CAMTA1: variants seen among roughly 807,000 people sequenced by gnomAD.
CAMTA1 encodes calmodulin binding transcription activator 1.
A neutral mutation model predicts 170.9 loss-of-function variants in CAMTA1; 27 were observed. The ratio of observed to expected loss-of-function variants is 0.16; its 90% CI spans 0.12 to 0.22. The LOEUF (loss-of-function observed/expected upper bound fraction) is 0.22. Ranked by LOEUF, CAMTA1 falls within the 10% of genes least tolerant of loss-of-function variation. CAMTA1 has a pLI of 1.00. For missense variants in CAMTA1, 1,619 were observed against 2,217.2 expected (o/e 0.73, Z 5.42); for synonymous variants, 833 against 891.5 (o/e 0.93, Z 1.17).
At chr1:7,005,845 C>T (rs1698928786) in intron 3 of CAMTA1, among the ~76,000 whole-genome samples, 1 of 152,202 alleles carries the variant, frequency 6.6e-6, no homozygotes, top group African/African-American at 2.4e-5. Context: ...ATGGATGCGG[C>T]ACTGAAACAC....
intron 6 of CAMTA1, among the ~76,000 whole-genome samples, chr1:7,533,211 G>A (rs751653156): frequency 2.0e-5 from 3 of 152,168 alleles, no homozygotes; most frequent in Admixed American, 6.5e-5. Context: ...GATGGGTCCC[G>A]AGCCTCCCTC....
intron 3 of CAMTA1, among the ~76,000 whole-genome samples, chr1:6,892,239 C>T (rs968714174): frequency 2.0e-5 from 3 of 152,170 alleles, no homozygotes; most frequent in African/African-American, 7.2e-5. Flanking sequence ...CCAAACTTCG[C>T]CATACTGTGC....
chr1:7,098,689 C>G (rs1235288118), intron 4 of CAMTA1, among the ~76,000 whole-genome samples: 1 of 152,178 alleles, frequency 6.6e-6, no homozygotes, highest in Non-Finnish European at 1.5e-5. Context: ...CAGGGGCAAC[C>G]CACGGAGGCC....
At chr1:7,142,715 CA>C (rs1645959088) in intron 4 of CAMTA1, among the ~76,000 whole-genome samples, 1 of 152,214 alleles carries the variant, frequency 6.6e-6, no homozygotes, top group African/African-American at 2.4e-5. Context: ...CTCCCTTTAG[CA>C]TTCATCATGA....
At chr1:7,255,689 T>A (rs1353480373) in intron 5 of CAMTA1, among the ~76,000 whole-genome samples, 30 of 152,340 alleles carry the variant, frequency 2.0e-4, no homozygotes. Flanking sequence ...ATCCTGTATC[T>A]GGTATCCAAA....
rs1464701514 is a variant in CAMTA1 at position 6,965,436 on chromosome 1, A to G, written c.235-125868A>G. Among the ~76,000 whole-genome samples the G allele has an allele frequency of 6.6e-6, 1 of 152,152 alleles. No homozygotes were observed. Among genetic ancestry groups the G allele is most frequent in the Non-Finnish European group, 1.5e-5 (1 of 68,034 alleles). On this transcript the variant is annotated intron_variant, in intron 3 of 22. Transcript: ENST00000303635. This position sits in a 1 kb window ranked among gnomAD's most constrained non-coding sequence, Gnocchi z 4.1. ...GACCAGGGAGTGCAACCAGCAGACCAAAGGTAATGCATTTCAGCTGCCTGT... is the reference window on the plus strand; with the variant it reads ...GACCAGGGAGTGCAACCAGCAGACCGAAGGTAATGCATTTCAGCTGCCTGT...
intron 3 of CAMTA1, among the ~76,000 whole-genome samples, chr1:6,981,294 A>G (rs1280154606): frequency 6.6e-6 from 1 of 152,218 alleles, no homozygotes; most frequent in African/African-American, 2.4e-5. Context: ...TGCTCCTTGA[A>G]GAAAAGCTGA....
intron 11 of CAMTA1, among the ~76,000 whole-genome samples, chr1:7,722,759 C>T (rs538999693): frequency 2.9e-4 from 44 of 151,738 alleles, no homozygotes; most frequent in Admixed American, 7.9e-4. Context: ...AGGTAACACA[C>T]ACAGTTACTT....
intron 6 of CAMTA1, among the ~76,000 whole-genome samples, chr1:7,558,488 G>C (rs569234961): frequency 8.6e-5 from 13 of 152,028 alleles, no homozygotes; most frequent in African/African-American, 2.7e-4. Context: ...GGAGGAACTC[G>C]GCTCCCTTCT....
intron 3 of CAMTA1, among the ~76,000 whole-genome samples, chr1:6,958,628 C>G (rs1488511436): frequency 6.6e-6 from 1 of 152,200 alleles, no homozygotes; most frequent in Admixed American, 6.5e-5. Context: ...TTGAATGTGA[C>G]GCAATAAGCC....
intron 11 of CAMTA1, among the ~76,000 whole-genome samples, chr1:7,690,791 C>T (rs921309517): frequency 2.0e-5 from 3 of 152,222 alleles, no homozygotes; most frequent in Non-Finnish European, 2.9e-5. Context: ...GTGGGTGGCG[C>T]AGAGAGTCAC....
At chr1:7,340,947 G>A (rs1386534964) in intron 5 of CAMTA1, among the ~76,000 whole-genome samples, 2 of 152,180 alleles carry the variant, frequency 1.3e-5, no homozygotes, top group African/African-American at 4.8e-5. Flanking sequence ...TAAAAATATG[G>A]TATTCATAAG....
At chr1:7,034,070 T>C (rs1703198346) in intron 3 of CAMTA1, among the ~76,000 whole-genome samples, 2 of 152,232 alleles carry the variant, frequency 1.3e-5, no homozygotes, top group African/African-American at 4.8e-5. Context: ...TACTCTCCCC[T>C]ATGCCCCATA....
chr1:7,351,195 T>A (rs1316588635), intron 5 of CAMTA1, among the ~76,000 whole-genome samples: 1 of 152,256 alleles, frequency 6.6e-6, no homozygotes, highest in African/African-American at 2.4e-5. Context: ...AGAGCATCCA[T>A]GGCCTCACGC....
intron 3 of CAMTA1, among the ~76,000 whole-genome samples, chr1:7,006,434 C>G (rs1397092770): frequency 6.6e-6 from 1 of 152,114 alleles, no homozygotes; most frequent in Non-Finnish European, 1.5e-5. Flanking sequence ...CAGATTTATT[C>G]CATTCATTGT....
intron 4 of CAMTA1, among the ~76,000 whole-genome samples, chr1:7,121,021 A>T (rs1392113620): frequency 6.6e-6 from 1 of 152,246 alleles, no homozygotes; most frequent in Non-Finnish European, 1.5e-5. Context: ...AGAGCCAGCA[A>T]TTCTGCCAGT....
At chr1:7,555,945 C>A (rs12562369) in intron 6 of CAMTA1, among the ~76,000 whole-genome samples, 81,947 of 151,708 alleles carry the variant, frequency 0.54, 22,767 homozygotes, top group South Asian at 0.67. Flanking sequence ...GCTAGCAGAT[C>A]AGCAGGCGGC....
chr1:7,492,520 C>A (rs2093720233), intron 6 of CAMTA1, among the ~76,000 whole-genome samples: 1 of 152,150 alleles, frequency 6.6e-6, no homozygotes, highest in Non-Finnish European at 1.5e-5. Context: ...AGAGCTCATC[C>A]GCTCCTGCAT....
chr1:7,758,827 C>A (rs6684442), intron 22 of CAMTA1, among the ~76,000 whole-genome samples: 1 of 147,390 alleles, frequency 6.8e-6, no homozygotes, highest in Non-Finnish European at 1.5e-5. Context: ...CCCAGCTACT[C>A]GGGAGGCTGA....
Sources: gnomAD v4.1 joint callset for allele counts (sites outside exome capture counted in the v4.1 genomes callset) on GRCh38, gnomAD v4.1.1 for gene constraint, Gnocchi (gnomAD v3.1) non-coding constraint, MANE v1.5 for transcripts, NCBI Gene and HGNC (gene_info 2026-07-23, HGNC 2026-07-21) for gene names.